PHF24: variants seen among roughly 807,000 people sequenced by gnomAD.
The protein encoded by PHF24 is PHD finger protein 24, also known as Galpha inhibitory interacting protein.
PHF24 carries 25 observed loss-of-function variants against 42.6 expected under a neutral mutation model. The observed-to-expected ratio is 0.59, with a 90% CI of 0.43 to 0.82. The LOEUF (loss-of-function observed/expected upper bound fraction) is 0.82. Among genes scored for constraint, PHF24 ranks in the 40% least tolerant of loss-of-function variants. PHF24 has a pLI of 0.00. For synonymous variants in PHF24, 185 were observed against 204.8 expected (o/e 0.90, Z 0.83); for missense variants, 470 against 538.1 (o/e 0.87, Z 1.25).
chr9:34,832,614 C>T, the PHF24 span: 1 of 1,542,732 alleles, frequency 6.5e-7, no homozygotes. Flanking sequence ...ATCCTTGTGC[C>T]CTTTGCCTTT....
chr9:34,732,197 G>A, the PHF24 span, among the ~76,000 whole-genome samples: 8 of 151,984 alleles, frequency 5.3e-5, no homozygotes, highest in African/African-American at 9.7e-5. Flanking sequence ...CATAGTAGCT[G>A]TACTAATTTA....
chr9:34,845,691 T>G, the PHF24 span, among the ~76,000 whole-genome samples: 1 of 151,822 alleles, frequency 6.6e-6, no homozygotes, highest in African/African-American at 2.4e-5. Context: ...GCTGGTGTGC[T>G]GCACCCATTA....
chr9:34,863,893 T>A, the PHF24 span, among the ~76,000 whole-genome samples: 2 of 152,110 alleles, frequency 1.3e-5, no homozygotes, highest in African/African-American at 4.8e-5. Flanking sequence ...TCAAATAAAT[T>A]CAAGATAAAC....
the PHF24 span, among the ~76,000 whole-genome samples, chr9:34,826,252 C>T: frequency 1.3e-5 from 2 of 152,194 alleles, no homozygotes; most frequent in Non-Finnish European, 2.9e-5. Context: ...CCTTTGTGTC[C>T]CTAAGCACTT....
chr9:34,971,304 G>A (rs754747916), exon 2 of PHF24: 8 of 1,601,670 alleles, frequency 5.0e-6, no homozygotes, highest in Non-Finnish European at 6.8e-6. Context: ...GAGCCATGGG[G>A]GTGTTGATGT....
At chr9:34,815,985 G>A in the PHF24 span, among the ~76,000 whole-genome samples, 1 of 151,964 alleles carries the variant, frequency 6.6e-6, no homozygotes, top group Non-Finnish European at 1.5e-5. Flanking sequence ...AAGATGTTGA[G>A]TTTTGCCTTT....
At chr9:34,972,057 G>A (rs949748258) in intron 2 of PHF24, among the ~76,000 whole-genome samples, 13 of 152,252 alleles carry the variant, frequency 8.5e-5, no homozygotes, top group African/African-American at 2.6e-4. Context: ...AAGCAGGGAT[G>A]ATAAATGTCC....
the PHF24 span, among the ~76,000 whole-genome samples, chr9:34,859,066 G>A: frequency 6.6e-6 from 1 of 152,140 alleles, no homozygotes; most frequent in South Asian, 2.1e-4. Flanking sequence ...TCTTGCCTGG[G>A]CCTGGGTGCC....
the PHF24 span, among the ~76,000 whole-genome samples, chr9:34,766,476 C>T: frequency 2.0e-5 from 3 of 152,202 alleles, no homozygotes; most frequent in Non-Finnish European, 4.4e-5. Flanking sequence ...GATACCTTTT[C>T]TTCCAGATGG....
At chr9:34,704,177 C>T in the PHF24 span, among the ~76,000 whole-genome samples, 2 of 151,706 alleles carry the variant, frequency 1.3e-5, no homozygotes, top group Admixed American at 6.6e-5. Context: ...TAGGCCTGTG[C>T]CACCGTGCCT....
At chr9:34,690,423 C>A in the PHF24 span, 1 of 913,262 alleles carries the variant, frequency 1.1e-6, no homozygotes, top group South Asian at 1.6e-5. Flanking sequence ...ATTGAGGACA[C>A]CTGTGTGTGT....
chr9:34,968,588 T>C (rs780000101), intron 1 of PHF24, among the ~76,000 whole-genome samples: 2 of 152,208 alleles, frequency 1.3e-5, no homozygotes, highest in Non-Finnish European at 1.5e-5. Flanking sequence ...TTGGTAGTAG[T>C]AGTGGCAAGG....
the PHF24 span, among the ~76,000 whole-genome samples, chr9:34,825,880 CT>C: frequency 6.6e-6 from 1 of 152,146 alleles, no homozygotes; most frequent in Non-Finnish European, 1.5e-5. Context: ...GCAAGGAGGG[CT>C]TCCCTTCCCA....
the PHF24 span, among the ~76,000 whole-genome samples, chr9:34,848,567 AT>A: frequency 6.6e-6 from 1 of 151,770 alleles, no homozygotes; most frequent in Non-Finnish European, 1.5e-5. Flanking sequence ...GGATTCATTA[AT>A]TTTTTGAAGG....
chr9:34,725,728 A>G, the PHF24 span: 1 of 1,547,730 alleles, frequency 6.5e-7, no homozygotes, highest in Non-Finnish European at 8.7e-7. Context: ...GAGCTCGTTG[A>G]TGGTCAGATG....
At chr9:34,754,844 A>G in the PHF24 span, among the ~76,000 whole-genome samples, 5 of 152,256 alleles carry the variant, frequency 3.3e-5, no homozygotes, top group African/African-American at 1.2e-4. Flanking sequence ...AATATGGTAC[A>G]TACACACAAC....
chr9:34,739,795 C>G, the PHF24 span, among the ~76,000 whole-genome samples: 1 of 152,162 alleles, frequency 6.6e-6, no homozygotes. Flanking sequence ...CCGCTGCTGG[C>G]TGGGGCAGCC....
At chr9:34,672,021 T>G in the PHF24 span, among the ~76,000 whole-genome samples, 1 of 152,252 alleles carries the variant, frequency 6.6e-6, no homozygotes, top group Non-Finnish European at 1.5e-5. Context: ...TGGTAATAAT[T>G]AACATTTATG....
the PHF24 span, among the ~76,000 whole-genome samples, chr9:34,849,119 G>A: frequency 4.6e-5 from 7 of 152,196 alleles, no homozygotes; most frequent in South Asian, 4.2e-4. Flanking sequence ...TATTAGGTCC[G>A]CTTGGTGCAG....
Sources: allele counts gnomAD v4.1 joint callset (sites outside exome capture counted in the v4.1 genomes callset), GRCh38; gene constraint gnomAD v4.1.1; transcripts MANE v1.5; gene names NCBI Gene and HGNC (gene_info 2026-07-23, HGNC 2026-07-21).